LINGO1: variants seen among roughly 807,000 people sequenced by gnomAD.
LINGO1 encodes the protein leucine rich repeat and Ig domain containing 1.
In LINGO1, 11 loss-of-function variants were observed where a neutral mutation model predicts 37.3. The observed-to-expected ratio is 0.29, with a 90% CI of 0.19 to 0.49. The LOEUF is 0.49. LINGO1 is among the 20% of genes least tolerant of loss of function. The pLI is 0.99. For missense variants in LINGO1, 585 were observed against 878.2 expected (o/e 0.67, Z 4.22); for synonymous variants, 387 against 403.0 (o/e 0.96, Z 0.48).
chr15:77,762,241 C>CT (rs2076485030), intron 1 of LINGO1, among the ~76,000 whole-genome samples: 1 of 152,198 alleles, frequency 6.6e-6, no homozygotes, highest in African/African-American at 2.4e-5. Flanking sequence ...GCAGGCCAGT[C>CT]TTTCAGGCTC....
intron 2 of LINGO1, among the ~76,000 whole-genome samples, chr15:77,712,314 C>T (rs1211175866): frequency 6.6e-6 from 1 of 152,158 alleles, no homozygotes; most frequent in Non-Finnish European, 1.5e-5. Flanking sequence ...GACCTTCGCA[C>T]CTCACCTTCC....
intron 1 of LINGO1, among the ~76,000 whole-genome samples, chr15:77,775,184 C>T (rs2076624990): frequency 6.6e-6 from 1 of 152,162 alleles, no homozygotes; most frequent in Non-Finnish European, 1.5e-5. Flanking sequence ...TCTCCAGTCT[C>T]CTTGGCCATG....
upstream of LINGO1, chr15:77,788,022 A>G (rs1456587517): frequency 6.6e-6 from 1 of 152,146 alleles, no homozygotes; most frequent in Non-Finnish European, 1.5e-5. Context: ...CCCCGGAGCC[A>G]CACAGACCCC....
At chr15:77,641,274 G>T (rs186638928) in intron 3 of LINGO1, among the ~76,000 whole-genome samples, 1 of 152,332 alleles carries the variant, frequency 6.6e-6, no homozygotes, top group African/African-American at 2.4e-5. Context: ...GGGTCCCCAT[G>T]CCATCTCAGC....
intron 2 of LINGO1, among the ~76,000 whole-genome samples, chr15:77,728,948 C>T (rs2076129317): frequency 1.3e-5 from 2 of 152,224 alleles, no homozygotes; most frequent in Admixed American, 6.5e-5. Context: ...TGTTGCTGTC[C>T]TATTTCACAA....
intron 1 of LINGO1, among the ~76,000 whole-genome samples, chr15:77,763,101 A>C (rs2076493871): frequency 6.6e-6 from 1 of 152,170 alleles, no homozygotes; most frequent in African/African-American, 2.4e-5. Context: ...ACAAGTTATA[A>C]TTAAGACGGG....
At chr15:77,713,809 C>A (rs2075950679) in intron 2 of LINGO1, among the ~76,000 whole-genome samples, 1 of 152,110 alleles carries the variant, frequency 6.6e-6, no homozygotes, top group Non-Finnish European at 1.5e-5. Context: ...CCTCTCCTGG[C>A]TTCTGGGATT....
chr15:77,766,326 C>CAGAG (rs1246264253), intron 1 of LINGO1, among the ~76,000 whole-genome samples: 1 of 102,608 alleles, frequency 9.7e-6, no homozygotes, highest in Admixed American at 1.0e-4. Flanking sequence ...AACACACAAA[C>CAGAG]AGAGAGAGAG....
At chr15:77,790,898 A>G (rs8026726), upstream of LINGO1, among the ~76,000 whole-genome samples, 115,143 of 152,166 alleles carry the variant, frequency 0.76, 43,769 homozygotes, top group Admixed American at 0.81. Flanking sequence ...GTGTGCAAGT[A>G]AAGGTCAGAG....
intron 3 of LINGO1, among the ~76,000 whole-genome samples, chr15:77,665,321 G>A (rs148405410): frequency 8.7e-4 from 133 of 152,244 alleles, no homozygotes; most frequent in African/African-American, 3.1e-3. Context: ...CAGATACCAC[G>A]CTTTGCCCTG....
At chr15:77,634,202 AC>A, upstream of LINGO1, 1 of 451,468 alleles carries the variant, frequency 2.2e-6, no homozygotes. Context: ...CCACGGAGGG[AC>A]CTCTCCCCAC....
At chr15:77,721,102 T>G (rs34606680) in intron 2 of LINGO1, among the ~76,000 whole-genome samples, 13,572 of 152,098 alleles carry the variant, frequency 0.089, 653 homozygotes, top group Middle Eastern at 0.13. Flanking sequence ...CACTCCTGAC[T>G]CAAAGCCAAG....
At chr15:77,746,087 G>A (rs2141357176) in intron 1 of LINGO1, among the ~76,000 whole-genome samples, 1 of 151,846 alleles carries the variant, frequency 6.6e-6, no homozygotes, top group Middle Eastern at 3.4e-3. Flanking sequence ...ATGCACCTGT[G>A]GTCCCAGCTA....
chr15:77,677,415 C>T (rs996935246), intron 2 of LINGO1, among the ~76,000 whole-genome samples: 31 of 152,126 alleles, frequency 2.0e-4, no homozygotes, highest in African/African-American at 7.0e-4. Flanking sequence ...CCTGGCCTGG[C>T]ATTCAAGGCC....
chr15:77,704,475 T>G (rs1179252277), intron 2 of LINGO1, among the ~76,000 whole-genome samples: 1 of 151,850 alleles, frequency 6.6e-6, no homozygotes, highest in Non-Finnish European at 1.5e-5. Context: ...GGTCAGACAC[T>G]GAGCTCTGAC....
chr15:77,666,271 C>T (rs1285287746), intron 3 of LINGO1, among the ~76,000 whole-genome samples: 1 of 152,236 alleles, frequency 6.6e-6, no homozygotes, highest in African/African-American at 2.4e-5. Context: ...AGGAGTCTTG[C>T]AGTCAGAGGC....
At position 77,798,481 on chromosome 15, in the gene LINGO1, C is replaced by T. The variant is rs28676365; in HGVS notation, c.-457-2428G>A. ...ATGAATGGGCCTCCCGCTCCCTTCCCCCCAAACCTTCCAAAGCTTCCTAAA... is the reference window on the plus strand; with the variant it reads ...ATGAATGGGCCTCCCGCTCCCTTCCTCCCAAACCTTCCAAAGCTTCCTAAA... On this transcript the variant is annotated intron_variant, in intron 1 of 5. Coordinates refer to the LINGO1 transcript ENST00000562933. Among the ~76,000 whole-genome samples, 603 of 152,370 alleles carry T rather than the reference C, an allele frequency of 4.0e-3. 4 individuals are homozygous for T. Among genetic ancestry groups the T allele is most frequent in the African/African-American group, 0.013 (560 of 41,594 alleles).
chr15:77,638,952 C>T (rs1333585792), upstream of LINGO1, among the ~76,000 whole-genome samples: 1 of 152,176 alleles, frequency 6.6e-6, no homozygotes, highest in Admixed American at 6.5e-5. Flanking sequence ...GATTACAAAA[C>T]AACTGTGGTT....
Position 77,716,445 on chromosome 15 carries a change from C to G in LINGO1, c.-195+18547G>C, listed in dbSNP as rs1414758408. Reference sequence around the variant, plus strand: ...ACAGGTGTGCACCAGCACACCCAGCCGGGCCCTCTCACTAGTCCTGCAGGG... The same window carrying G: ...ACAGGTGTGCACCAGCACACCCAGCGGGGCCCTCTCACTAGTCCTGCAGGG... On this transcript the variant is annotated intron_variant, in intron 2 of 3. Transcript: ENST00000561686. Among the ~76,000 whole-genome samples the G allele has an allele frequency of 2.0e-5, 3 of 149,392 alleles. 1 individual carries two copies. The East Asian group carries it at 6.4e-4, about 32-fold the overall frequency.
Sources: gnomAD v4.1 joint callset for allele counts (sites outside exome capture counted in the v4.1 genomes callset) on GRCh38, gnomAD v4.1.1 for gene constraint, MANE v1.5 for transcripts, NCBI Gene and HGNC (gene_info 2026-07-23, HGNC 2026-07-21) for gene names.